The following CCAR1 variants were observed in gnomAD, a reference collection of about 807,000 sequenced individuals.
CCAR1 encodes cell division cycle and apoptosis regulator 1.
Under a neutral mutation model 163.8 loss-of-function variants are expected in CCAR1, and 78 were observed. That is an observed-to-expected ratio of 0.48 (90% confidence interval 0.40 to 0.57). The LOEUF (loss-of-function observed/expected upper bound fraction) is 0.57, where lower values mean the gene tolerates loss of function less well. CCAR1 is among the 20% of genes least tolerant of loss of function. CCAR1 has a pLI of 0.00. For missense variants in CCAR1, 1,019 were observed against 1,365.2 expected (o/e 0.75, Z 4.00); for synonymous variants, 443 against 460.7 (o/e 0.96, Z 0.49).
chr10:68,725,009 G>A (rs1379284552), intron 2 of CCAR1, among the ~76,000 whole-genome samples: 1 of 152,088 alleles, frequency 6.6e-6, no homozygotes, highest in Non-Finnish European at 1.5e-5. Context: ...GTGGTGGCAC[G>A]TGTCTGTAAT....
At chr10:68,744,996 A>T (rs892120992) in intron 6 of CCAR1, among the ~76,000 whole-genome samples, 5 of 151,186 alleles carry the variant, frequency 3.3e-5, no homozygotes, top group African/African-American at 9.7e-5. Context: ...CTATTTAATT[A>T]AATTAATTAA....
intron 2 of CCAR1, among the ~76,000 whole-genome samples, chr10:68,727,362 C>T (rs1162886289): frequency 6.6e-6 from 1 of 152,082 alleles, no homozygotes; most frequent in Non-Finnish European, 1.5e-5. Flanking sequence ...TCTATCCCAA[C>T]TTAATTCTCT....
intron 10 of CCAR1, among the ~76,000 whole-genome samples, chr10:68,752,825 T>G (rs1336546204): frequency 6.6e-6 from 1 of 152,010 alleles, no homozygotes; most frequent in Non-Finnish European, 1.5e-5. Context: ...GCTGTGAGTA[T>G]GCCACACTGC....
chr10:68,743,657 C>T (rs779967195), intron 6 of CCAR1, among the ~76,000 whole-genome samples: 1 of 151,348 alleles, frequency 6.6e-6, no homozygotes, highest in African/African-American at 2.4e-5. Context: ...ATTCTCTTGC[C>T]TCAGCCTCCC....
chr10:68,772,208 C>T (rs1165855480), intron 18 of CCAR1, among the ~76,000 whole-genome samples: 1 of 152,086 alleles, frequency 6.6e-6, no homozygotes, highest in Non-Finnish European at 1.5e-5. Context: ...ATAGTATGGG[C>T]ATAGTGGCTC....
rs1419014413 is a variant in CCAR1, at chr10:68,792,365, T to A, written c.*1099T>A. On this transcript the variant is annotated 3_prime_UTR_variant, in exon 25 of 25. Transcript: ENST00000265872. ...TTAAGTCTTCTTTAATTAAAGATAT[T>A]TTTTTAAATTAACCTGTGTACTTCC... 2 of 152,172 alleles carry A rather than the reference T, an allele frequency of 1.3e-5. No individual in the cohort carries two copies. Among genetic ancestry groups the A allele is most frequent in the Non-Finnish European group, 2.9e-5 (2 of 68,030 alleles). 9.4% of individuals were successfully genotyped at this position (152,172 alleles called of 1,614,324 possible).
At chr10:68,789,449 TGTG>T (rs1476966703) in intron 23 of CCAR1, among the ~76,000 whole-genome samples, 1 of 151,472 alleles carries the variant, frequency 6.6e-6, no homozygotes, top group Non-Finnish European at 1.5e-5. Flanking sequence ...ATTAGCTGGG[TGTG>T]GTGGTACGCG....
At chr10:68,766,392 G>A (rs1427719652) in intron 17 of CCAR1, among the ~76,000 whole-genome samples, 2 of 151,638 alleles carry the variant, frequency 1.3e-5, no homozygotes, top group African/African-American at 2.4e-5. Flanking sequence ...TAGTAGAGAC[G>A]GGGTTTCACC....
chr10:68,781,226 C>T (rs1694479), intron 19 of CCAR1, among the ~76,000 whole-genome samples: 100,047 of 151,026 alleles, frequency 0.66, 33,801 homozygotes, highest in Non-Finnish European at 0.73. Context: ...GAGTGAGACT[C>T]TGTCTCCAAA....
intron 2 of CCAR1, among the ~76,000 whole-genome samples, chr10:68,726,705 C>T (rs2055952624): frequency 6.6e-6 from 1 of 152,012 alleles, no homozygotes; most frequent in South Asian, 2.1e-4. Flanking sequence ...CTGTCAAAAT[C>T]ACAGAATTTT....
At chr10:68,760,755 T>C (rs1016780524) in intron 15 of CCAR1, 2 of 235,610 alleles carry the variant, frequency 8.5e-6, no homozygotes, top group Non-Finnish European at 1.6e-5. Flanking sequence ...TCCCAGCTAC[T>C]TGGGGGGCTG....
intron 21 of CCAR1, chr10:68,786,916 C>G (rs565043584): frequency 8.7e-6 from 3 of 346,330 alleles, no homozygotes; most frequent in African/African-American, 2.2e-5. Flanking sequence ...GTAGCTCCGT[C>G]TCTACTAAAA....
chr10:68,751,063 T>C (rs1229843434), intron 10 of CCAR1, among the ~76,000 whole-genome samples: 2 of 151,934 alleles, frequency 1.3e-5, no homozygotes, highest in East Asian at 1.9e-4. Context: ...GTTTCGCTCT[T>C]GTTCCCCAGG....
chr10:68,755,616 C>G (rs1406909423), intron 13 of CCAR1, 80 bp downstream of exon 13: 2 of 1,271,536 alleles, frequency 1.6e-6, no homozygotes, highest in East Asian at 4.9e-5. Flanking sequence ...GCCTTTTCCC[C>G]CCGGCTTATT....
chr10:68,788,042 T>C lies in CCAR1; in HGVS notation c.2996T>C (p.Met999Thr), dbSNP rs767333858. 4 of 1,597,584 alleles carry C rather than the reference T, an allele frequency of 2.5e-6. No individual in the cohort carries two copies. Among genetic ancestry groups the C allele is most frequent in the Admixed American group, 1.8e-5 (1 of 55,548 alleles). ...HEESESLQED[M>T]LGNRLLLPTP... ...GAGTCTGAGTCATTGCAGGAAGATA[T>C]GCTAGGTCTGAGTAATATTAAGATT... is the stretch of plus-strand genomic sequence containing the variant. Residue 999 changes from methionine to threonine, a missense_variant, in exon 22 of 25, where the codon ATG becomes ACG. Physicochemically the swap from Met to Thr is moderately conservative, Grantham distance 81 (BLOSUM62 -1). Transcript: ENST00000265872.
intron 15 of CCAR1, among the ~76,000 whole-genome samples, chr10:68,758,927 C>T (rs189746564): frequency 5.9e-5 from 9 of 152,138 alleles, no homozygotes; most frequent in Non-Finnish European, 1.0e-4. Flanking sequence ...CCACCTCAGC[C>T]TCCCAAAGTG....
chr10:68,761,690 C>T (rs1160553653), intron 16 of CCAR1, among the ~76,000 whole-genome samples: 1 of 151,866 alleles, frequency 6.6e-6, no homozygotes, highest in African/African-American at 2.4e-5. Flanking sequence ...ACAACCTCCA[C>T]CTCCCAGGTT....
In CCAR1 at chr10:68,771,379, A is replaced by G. The variant is rs2056600139; in HGVS notation, c.2472A>G (p.Glu824=). 1.3e-6 allele frequency: 2 copies of G among 1,596,280 alleles called. No individual in the cohort carries two copies. The highest frequency in any genetic ancestry group is 1.3e-5 in the African/African-American group (1 of 74,146). Residue 824 remains glutamate, a synonymous_variant, in exon 18 of 25, where the codon GAA becomes GAG. Coordinates refer to ENST00000265872, the MANE Select transcript of CCAR1 (RefSeq NM_018237.4). The part of the protein sequence containing the change: ...KKEERDDETD[E]PKPKRRKSGD... ...AAGAAAGAGATGATGAAACTGATGA[A>G]CCAAAACCCAAACGGAGAAAATCAG...
At chr10:68,743,042 C>A (rs2056203076) in intron 6 of CCAR1, among the ~76,000 whole-genome samples, 1 of 152,050 alleles carries the variant, frequency 6.6e-6, no homozygotes, top group East Asian at 1.9e-4. Context: ...AAGTGATTCT[C>A]CTGCCTCAGC....
Sources: allele counts gnomAD v4.1 joint callset (sites outside exome capture counted in the v4.1 genomes callset), GRCh38; gene constraint gnomAD v4.1.1; transcripts MANE v1.5; gene names NCBI Gene and HGNC (gene_info 2026-07-23, HGNC 2026-07-21).